Variants in ZKSCAN7 observed in about 807,000 individuals in gnomAD.
ZKSCAN7 encodes zinc finger protein with KRAB and SCAN domains 7.
A neutral mutation model predicts 65.3 loss-of-function variants in ZKSCAN7; 38 were observed. The observed-to-expected ratio is 0.58, with a 90% CI of 0.45 to 0.76. The LOEUF is 0.76. ZKSCAN7 is among the 30% of genes least tolerant of loss of function. The probability of loss-of-function intolerance (pLI) is 0.00; values close to 1 mark genes in which losing one functional copy is unlikely to be tolerated. For synonymous variants in ZKSCAN7, 321 were observed against 321.0 expected (o/e 1.00, Z 0.00); for missense variants, 815 against 913.3 (o/e 0.89, Z 1.39).
intron 1 of ZKSCAN7, among the ~76,000 whole-genome samples, chr3:44,555,757 T>C (rs1023031508): frequency 1.3e-5 from 2 of 152,258 alleles, no homozygotes; most frequent in African/African-American, 4.8e-5. Context: ...CTTCTTTGTC[T>C]TTTTAAAGAG....
At chr3:44,578,335 A>T (rs956172852) in intron 5 of ZKSCAN7, 2 of 1,600,012 alleles carry the variant, frequency 1.2e-6, no homozygotes, top group Non-Finnish European at 1.7e-6. Flanking sequence ...CTTCTAGTTC[A>T]TAGGCATCCT....
At chr3:44,561,068 G>A (rs1422463290) in intron 2 of ZKSCAN7, among the ~76,000 whole-genome samples, 1 of 152,164 alleles carries the variant, frequency 6.6e-6, no homozygotes, top group Non-Finnish European at 1.5e-5. Context: ...ATGTCTTCAA[G>A]GAAGGGAAAC....
downstream of ZKSCAN7, among the ~76,000 whole-genome samples, chr3:44,574,457 A>G (rs895260276): frequency 6.6e-6 from 1 of 152,226 alleles, no homozygotes; most frequent in Non-Finnish European, 1.5e-5. Context: ...ACTTCCAAAA[A>G]TGTTGAGTAG....
intron 5 of ZKSCAN7, among the ~76,000 whole-genome samples, chr3:44,579,247 G>A (rs1385857740): frequency 6.6e-6 from 1 of 152,210 alleles, no homozygotes; most frequent in Non-Finnish European, 1.5e-5. Context: ...CCAGCATCCC[G>A]AAGTGCTTGC....
chr3:44,561,392 T>C (rs1699471861), intron 2 of ZKSCAN7, among the ~76,000 whole-genome samples: 1 of 152,152 alleles, frequency 6.6e-6, no homozygotes, highest in Admixed American at 6.5e-5. Context: ...CTCCAATTCG[T>C]TGTGAGATTT....
chr3:44,572,346 TTGTGTGTGTGTGTGTGTGTG>T (rs3080634), downstream of ZKSCAN7, among the ~76,000 whole-genome samples: 14 of 143,636 alleles, frequency 9.7e-5, no homozygotes, highest in East Asian at 2.1e-4. Context: ...CGAATGGATT[TTGTGTGTGTGTGTGTGTGTG>T]TGTGTGTGTG....
rs35709621 is a variant in ZKSCAN7 at position 44,558,782 on chromosome 3, A to ATTTTTTT, written c.423+1327_423+1333dup. On this transcript the variant is annotated intron_variant, in intron 2 of 5. Transcript: ENST00000426540. ...TCGTCTGCTTTCTCCTTTCTTCTTC[A>ATTTTTTT]TTTTTTTTTTTTTTTTTTTTTGGGT... Among the ~76,000 whole-genome samples, 12 of 92,706 alleles carry ATTTTTTT rather than the reference A, an allele frequency of 1.3e-4. 1 individual carries two copies. Among genetic ancestry groups the ATTTTTTT allele is most frequent in the African/African-American group, 2.9e-4 (7 of 23,944 alleles). 60.8% of individuals were successfully genotyped at this position (92,706 alleles called of 152,430 possible). A position where few individuals can be genotyped will look rare whatever the true frequency, so the allele number is the denominator to read the frequency against.
At chr3:44,582,859 A>G in intron 5 of ZKSCAN7, 1 of 365,574 alleles carries the variant, frequency 2.7e-6, no homozygotes, top group South Asian at 2.0e-5. Context: ...GTGAAAGGGA[A>G]GACTAAGTAA....
chr3:44,567,676 A>G (rs906666867), intron 3 of ZKSCAN7, among the ~76,000 whole-genome samples: 2 of 152,136 alleles, frequency 1.3e-5, no homozygotes, highest in South Asian at 2.1e-4. Flanking sequence ...CCCTGAAAAA[A>G]GTTGAAGAGA....
chr3:44,562,436 T>C (rs535032402), intron 2 of ZKSCAN7, among the ~76,000 whole-genome samples: 2 of 152,332 alleles, frequency 1.3e-5, no homozygotes, highest in African/African-American at 4.8e-5. Context: ...GGAGACGTTT[T>C]CCCCATTGTG....
chr3:44,569,535 A>G (rs1039008644), intron 5 of ZKSCAN7, among the ~76,000 whole-genome samples: 4 of 152,282 alleles, frequency 2.6e-5, no homozygotes, highest in South Asian at 4.2e-4. Flanking sequence ...TCTGAGAACA[A>G]TGGAACCATG....
At chr3:44,580,198 C>T (rs1348744563) in intron 5 of ZKSCAN7, 37 of 1,611,278 alleles carry the variant, frequency 2.3e-5, no homozygotes, top group Non-Finnish European at 3.0e-5. Context: ...TGCTGTTCTT[C>T]GGCCTTCAAG....
downstream of ZKSCAN7, among the ~76,000 whole-genome samples, chr3:44,574,422 C>G (rs1009705236): frequency 1.3e-5 from 2 of 152,098 alleles, no homozygotes; most frequent in African/African-American, 4.8e-5. Context: ...CAATCTTATG[C>G]CACTTATGTT....
intron 5 of ZKSCAN7, chr3:44,579,982 G>T: frequency 6.3e-7 from 1 of 1,579,058 alleles, no homozygotes; most frequent in Non-Finnish European, 8.7e-7. Flanking sequence ...GCTTGGGGGG[G>T]GGCTTCATTG....
intron 5 of ZKSCAN7, among the ~76,000 whole-genome samples, chr3:44,577,290 T>TTG (rs1553622236): frequency 6.6e-6 from 1 of 151,724 alleles, no homozygotes; most frequent in Non-Finnish European, 1.5e-5. Context: ...TCTTTTTTTT[T>TTG]TTGTTTTTTT....
At chr3:44,572,800 A>C (rs1192019972), downstream of ZKSCAN7, among the ~76,000 whole-genome samples, 1 of 146,836 alleles carries the variant, frequency 6.8e-6, no homozygotes, top group Non-Finnish European at 1.5e-5. Context: ...CAGTGAGCCA[A>C]GATCGCACCA....
At position 44,556,947 on chromosome 3, in the gene ZKSCAN7, C is replaced by A. The variant is rs1457116222; in HGVS notation, c.-101C>A. ...TTCTGTAGGCCACACTACCATCACC[C>A]CTTTCTCCAACCCTGAAAAACAGTT... On this transcript the variant is annotated 5_prime_UTR_variant, in exon 2 of 6. Coordinates refer to ENST00000426540, the MANE Select transcript of ZKSCAN7 (RefSeq NM_001288590.2). 6.7e-7 allele frequency: 1 copy of A among 1,492,022 alleles called. No individual in the cohort carries two copies. The highest frequency in any genetic ancestry group is 9.2e-7 in the Non-Finnish European group (1 of 1,082,600). 92.4% of individuals were successfully genotyped at this position (1,492,022 alleles called of 1,614,324 possible).
At chr3:44,556,191 G>A (rs1346901841) in intron 1 of ZKSCAN7, among the ~76,000 whole-genome samples, 1 of 152,210 alleles carries the variant, frequency 6.6e-6, no homozygotes, top group Admixed American at 6.5e-5. Context: ...TTCCTTTGGT[G>A]GCCGTGCAGC....
chr3:44,576,442 G>GT (rs767123060), downstream of ZKSCAN7, among the ~76,000 whole-genome samples: 262 of 148,118 alleles, frequency 1.8e-3, no homozygotes, highest in African/African-American at 5.0e-3. Flanking sequence ...TTTCCCTTCA[G>GT]TTTTTTTTTT....
Sources: allele counts gnomAD v4.1 joint callset (sites outside exome capture counted in the v4.1 genomes callset), GRCh38; gene constraint gnomAD v4.1.1; transcripts MANE v1.5; gene names NCBI Gene and HGNC (gene_info 2026-07-23, HGNC 2026-07-21).